Variants in PPHLN1 observed in about 807,000 individuals in gnomAD.
PPHLN1 encodes the protein periphilin-1.
PPHLN1 carries 29 observed loss-of-function variants against 51.3 expected under a neutral mutation model. That is an observed-to-expected ratio of 0.57 (90% CI 0.42 to 0.77). PPHLN1 has a LOEUF of 0.77. PPHLN1 is among the 30% of genes least tolerant of loss of function. The pLI is 0.00. For synonymous variants in PPHLN1, 147 were observed against 147.8 expected (o/e 0.99, Z 0.04); for missense variants, 436 against 438.4 (o/e 0.99, Z 0.05).
chr12:42,443,006 T>C (rs2083087358), downstream of PPHLN1: 2 of 391,398 alleles, frequency 5.1e-6, no homozygotes, highest in Middle Eastern at 7.2e-4. Context: ...TTAAACGATA[T>C]CATGCACAAG....
chr12:42,401,721 T>C (rs1430687115), intron 9 of PPHLN1, among the ~76,000 whole-genome samples: 1 of 152,202 alleles, frequency 6.6e-6, no homozygotes, highest in Admixed American at 6.5e-5. Context: ...TGGTGTCTGC[T>C]GCCTATAAGT....
intron 5 of PPHLN1, among the ~76,000 whole-genome samples, chr12:42,378,147 TCTTTC>T (rs1171017877): frequency 2.1e-3 from 252 of 120,176 alleles, no homozygotes; most frequent in East Asian, 7.8e-3. Context: ...TTTCTTTCTT[TCTTTC>T]AAGTTATTTA....
chr12:42,400,798 T>TCTCACACACACACACA (rs1372615565), intron 9 of PPHLN1, among the ~76,000 whole-genome samples: 5 of 142,522 alleles, frequency 3.5e-5, no homozygotes, highest in African/African-American at 1.1e-4. Context: ...TCTCTCTCTT[T>TCTCACACACACACACA]CACACACACA....
At chr12:42,419,850 T>G (rs2080827356) in intron 9 of PPHLN1, among the ~76,000 whole-genome samples, 1 of 152,238 alleles carries the variant, frequency 6.6e-6, no homozygotes, top group East Asian at 1.9e-4. Flanking sequence ...TGTAATTATA[T>G]CTGTACATGA....
chr12:42,432,678 C>T (rs1050656088), intron 9 of PPHLN1, among the ~76,000 whole-genome samples: 4 of 152,314 alleles, frequency 2.6e-5, no homozygotes, highest in South Asian at 2.1e-4. Context: ...TAGCTCAATG[C>T]GGTAACTCCA....
intron 2 of PPHLN1, among the ~76,000 whole-genome samples, chr12:42,337,254 TTTTTTC>T (rs2070793929): frequency 6.6e-6 from 1 of 151,890 alleles, no homozygotes; most frequent in Non-Finnish European, 1.5e-5. Flanking sequence ...TTCTGTTTTT[TTTTTTC>T]TTTTTTCTTT....
At position 42,395,473 on chromosome 12, in the gene PPHLN1, TATC is replaced by T. The variant is rs1392655444; in HGVS notation, c.768+1787_768+1789del. Among the ~76,000 whole-genome samples, 6 of 152,324 alleles carry T rather than the reference TATC, an allele frequency of 3.9e-5. No individual in the cohort carries two copies. The East Asian group carries it at 1.2e-3, about 29-fold the overall frequency. ...GATAATTTTTGTAAACTTAGTCCCA[TATC>T]ATATTAATATTTTTCTCTTATTAAT... On this transcript the variant is annotated intron_variant, in intron 8 of 9. Coordinates refer to ENST00000358314, the MANE Select transcript of PPHLN1 (RefSeq NM_201439.2).
At chr12:42,400,142 A>G (rs1167155357) in intron 9 of PPHLN1, 1 of 152,068 alleles carries the variant, frequency 6.6e-6, no homozygotes, top group African/African-American at 2.4e-5. Flanking sequence ...TACATCTGCC[A>G]TCACCGAGAA....
intron 4 of PPHLN1, among the ~76,000 whole-genome samples, chr12:42,362,897 T>G (rs2074853723): frequency 6.6e-6 from 1 of 152,198 alleles, no homozygotes; most frequent in Admixed American, 6.5e-5. Context: ...TGAGCAATCT[T>G]GAAGGCCAGA....
chr12:42,411,724 G>T (rs1011300874), intron 9 of PPHLN1, among the ~76,000 whole-genome samples: 1 of 151,014 alleles, frequency 6.6e-6, no homozygotes, highest in Non-Finnish European at 1.5e-5. Flanking sequence ...GGCCAACATG[G>T]TGAAACCCTG....
At chr12:42,392,395 C>T (rs898605854) in intron 7 of PPHLN1, among the ~76,000 whole-genome samples, 1 of 152,168 alleles carries the variant, frequency 6.6e-6, no homozygotes, top group Non-Finnish European at 1.5e-5. Context: ...GATAAAAGCA[C>T]TTTATAAATG....
intron 9 of PPHLN1, among the ~76,000 whole-genome samples, chr12:42,421,057 G>A (rs1360502019): frequency 6.6e-6 from 1 of 151,982 alleles, no homozygotes; most frequent in East Asian, 1.9e-4. Flanking sequence ...GTTTGCATGT[G>A]GATCAGTTGG....
intron 8 of PPHLN1, chr12:42,398,545 C>T: frequency 4.7e-6 from 1 of 212,670 alleles, no homozygotes; most frequent in East Asian, 1.0e-4. Context: ...AAGTAACAGC[C>T]TCACTTGCTT....
At chr12:42,367,453 G>T (rs1340101399) in intron 4 of PPHLN1, among the ~76,000 whole-genome samples, 2 of 151,628 alleles carry the variant, frequency 1.3e-5, no homozygotes, top group Non-Finnish European at 2.9e-5. Context: ...CCATGGAAAG[G>T]TCAAACTAAG....
At chr12:42,439,278 A>G (rs568144339) in intron 9 of PPHLN1, among the ~76,000 whole-genome samples, 1 of 152,354 alleles carries the variant, frequency 6.6e-6, no homozygotes, top group South Asian at 2.1e-4. Flanking sequence ...CCAGTTGTTC[A>G]AGTACTGCTC....
At chr12:42,355,883 G>C (rs148379380) in intron 4 of PPHLN1, among the ~76,000 whole-genome samples, 111 of 152,256 alleles carry the variant, frequency 7.3e-4, no homozygotes, top group African/African-American at 2.5e-3. Flanking sequence ...TAGAAAGTAA[G>C]GCTTTTTTTC....
intron 7 of PPHLN1, among the ~76,000 whole-genome samples, chr12:42,388,332 T>C (rs2077375026): frequency 6.6e-6 from 1 of 152,170 alleles, no homozygotes; most frequent in African/African-American, 2.4e-5. Flanking sequence ...CAATGCTGCT[T>C]TGTTATTCTT....
chr12:42,348,276 A>ATTTTTTTTTTTT (rs1213561958), intron 2 of PPHLN1, among the ~76,000 whole-genome samples: 9 of 85,604 alleles, frequency 1.1e-4, no homozygotes, highest in African/African-American at 4.4e-4. Context: ...CACCTGGCTA[A>ATTTTTTTTTTTT]TTTTTTTTTT....
chr12:42,439,566 G>A (rs1286504224), intron 9 of PPHLN1, among the ~76,000 whole-genome samples: 1 of 152,248 alleles, frequency 6.6e-6, no homozygotes, highest in Non-Finnish European at 1.5e-5. Context: ...CCAGACTGGA[G>A]TGCAGTGGCA....
Sources: gnomAD v4.1 joint callset for allele counts (sites outside exome capture counted in the v4.1 genomes callset) on GRCh38, gnomAD v4.1.1 for gene constraint, MANE v1.5 for transcripts, NCBI Gene and HGNC (gene_info 2026-07-23, HGNC 2026-07-21) for gene names.